Variants in GYS2 observed in about 807,000 individuals in gnomAD.
GYS2 encodes glycogen [starch] synthase, liver.
GYS2 carries 80 observed loss-of-function variants against 85.6 expected under a neutral mutation model. The ratio of observed to expected loss-of-function variants is 0.93; its 90% CI spans 0.78 to 1.13. GYS2 has a LOEUF of 1.13. Ranked by LOEUF, GYS2 falls within the 50% of genes most tolerant of loss-of-function variation. The probability of loss-of-function intolerance (pLI) is 0.00; values close to 1 mark genes in which losing one functional copy is unlikely to be tolerated. For synonymous variants in GYS2, 328 were observed against 300.7 expected, an observed-to-expected ratio of 1.09 and a Z score of -0.94; for missense variants, 881 against 854.9, an observed-to-expected ratio of 1.03 and a Z score of -0.38.
chr12:21,546,535 A>G, intron 11 of GYS2, 65 bp from the exon 12 acceptor site: 3 of 1,114,232 alleles, frequency 2.7e-6, no homozygotes, highest in Non-Finnish European at 3.9e-6. Flanking sequence ...AAAATCTCCT[A>G]CAATTTGGTT....
intron 5 of GYS2, among the ~76,000 whole-genome samples, chr12:21,563,561 T>C (rs1944281663): frequency 6.6e-6 from 1 of 152,114 alleles, no homozygotes; most frequent in Admixed American, 6.5e-5. Flanking sequence ...AAATCAGAAA[T>C]GCCTGACCAA....
chr12:21,542,666 G>A, intron 12 of GYS2, 75 bp from the exon 13 acceptor site: 1 of 894,798 alleles, frequency 1.1e-6, no homozygotes, highest in East Asian at 2.5e-5. Context: ...AGGAGGAAAA[G>A]GCCCTAGTCC....
At chr12:21,551,992 G>T (rs887292105) in intron 11 of GYS2, among the ~76,000 whole-genome samples, 2 of 152,126 alleles carry the variant, frequency 1.3e-5, no homozygotes, top group African/African-American at 4.8e-5. Flanking sequence ...CAGAATGACA[G>T]CATAACTAAA....
At chr12:21,596,053 G>A (rs1944692593) in intron 1 of GYS2, among the ~76,000 whole-genome samples, 1 of 152,054 alleles carries the variant, frequency 6.6e-6, no homozygotes, top group Non-Finnish European at 1.5e-5. Flanking sequence ...GCCATGAAAT[G>A]AGCCTCAATA....
chr12:21,539,239 A>T lies in GYS2; in HGVS notation c.1890+19T>A. 7.1e-7 allele frequency: 1 copy of T among 1,407,414 alleles called. No individual in the cohort carries two copies. The highest frequency in any genetic ancestry group is 1.0e-6 in the Non-Finnish European group (1 of 993,708). 87.2% of individuals were successfully genotyped at this position (1,407,414 alleles called of 1,614,324 possible). A position where few individuals can be genotyped will look rare whatever the true frequency, so the allele number is the denominator to read the frequency against. ...AAAAAGAAATATAGCTTTCAAAAAA[A>T]AATACATTGAATATTTACCGTTGGT... On this transcript the variant is annotated intron_variant, in intron 15 of 15. Coordinates refer to ENST00000261195, the MANE Select transcript of GYS2 (RefSeq NM_021957.4).
At chr12:21,554,131 G>T (rs1011070380) in intron 11 of GYS2, among the ~76,000 whole-genome samples, 1 of 151,598 alleles carries the variant, frequency 6.6e-6, no homozygotes, top group Non-Finnish European at 1.5e-5. Context: ...ATGGAAGGAA[G>T]GAAGGAAGCG....
chr12:21,539,246 T>C lies in GYS2; in HGVS notation c.1890+12A>G, dbSNP rs192853475. The C allele has an allele frequency of 6.4e-5, 93 of 1,447,566 alleles. 1 individual carries two copies. In the Admixed American group the frequency reaches 9.1e-4, roughly 14 times the overall value. The allele number at this position is 1,447,566 out of a possible 1,614,324, so 89.7% of individuals were successfully genotyped here. A position where few individuals can be genotyped will look rare whatever the true frequency, so the allele number is the denominator to read the frequency against. ...AATATAGCTTTCAAAAAAAAATACA[T>C]TGAATATTTACCGTTGGTGGTGATG... On this transcript the variant is annotated intron_variant, in intron 15 of 15. Coordinates refer to ENST00000261195, the MANE Select transcript of GYS2 (RefSeq NM_021957.4).
At chr12:21,596,424 G>A (rs549525026) in intron 1 of GYS2, among the ~76,000 whole-genome samples, 1 of 151,712 alleles carries the variant, frequency 6.6e-6, no homozygotes. Context: ...TTCCATGCCA[G>A]GGATGCAGGG....
rs543336209 is a variant in GYS2 at position 21,580,645 on chromosome 12, A to G, written c.122-122T>C. On this transcript the variant is annotated intron_variant, in intron 1 of 15. Transcript: ENST00000261195. ...TAGGATCCACTAAGCCCAAGGATTT[A>G]TTTACCTTTCAAAAATAATAGTATT... 1.1e-4 allele frequency: 83 copies of G among 771,892 alleles called. No homozygotes were observed. In the Middle Eastern group the frequency reaches 3.8e-3, roughly 36 times the overall value. The allele number at this position is 771,892 out of a possible 1,614,324, so 47.8% of individuals were successfully genotyped here. A position where few individuals can be genotyped will look rare whatever the true frequency, so the allele number is the denominator to read the frequency against.
In GYS2 at chr12:21,562,976, G is replaced by A. The variant is rs759499770; in HGVS notation, c.1004C>T (p.Ser335Leu). Reference protein sequence around the residue: ...FLFIAGRYEFSNKGADIFLES... With the variant: ...FLFIAGRYEFLNKGADIFLES... ...TAGGAAGATGTCAGCTCCTTTGTTT[G>A]AAAACTCATACCTCCCAGCAATGAA... Residue 335 changes from serine (S) to leucine (L), a missense_variant, in exon 7 of 16, where the codon TCA (serine) becomes TTA (leucine). Physicochemically the swap from Ser to Leu is moderately radical, Grantham distance 145. Coordinates refer to ENST00000261195, the MANE Select transcript of GYS2 (RefSeq NM_021957.4). 7 of 1,612,828 alleles carry A rather than the reference G, an allele frequency of 4.3e-6. No homozygotes were observed. The highest frequency in any genetic ancestry group is 5.1e-6 in the Non-Finnish European group (6 of 1,179,092).
At chr12:21,544,276 C>G (rs1425946386) in intron 12 of GYS2, among the ~76,000 whole-genome samples, 1 of 152,204 alleles carries the variant, frequency 6.6e-6, no homozygotes, top group Non-Finnish European at 1.5e-5. Flanking sequence ...GACTCATTCA[C>G]TATGGACTAT....
chr12:21,554,010 G>A (rs972495126), intron 11 of GYS2, among the ~76,000 whole-genome samples: 2 of 152,132 alleles, frequency 1.3e-5, no homozygotes, highest in African/African-American at 4.8e-5. Flanking sequence ...TCCCCTGTGT[G>A]AGGCACAAGT....
At chr12:21,548,447 C>T (rs1944067731) in intron 11 of GYS2, among the ~76,000 whole-genome samples, 1 of 152,094 alleles carries the variant, frequency 6.6e-6, no homozygotes, top group Non-Finnish European at 1.5e-5. Flanking sequence ...AGAGTCTCAA[C>T]TGCATAGGTC....
intron 14 of GYS2, 49 bp downstream of exon 14, chr12:21,540,361 C>A: frequency 7.0e-7 from 1 of 1,433,834 alleles, no homozygotes; most frequent in Non-Finnish European, 9.8e-7. Context: ...TGTTTATAGT[C>A]CAGTGGAATT....
intron 11 of GYS2, among the ~76,000 whole-genome samples, chr12:21,557,046 G>T (rs1000400151): frequency 6.6e-6 from 1 of 152,124 alleles, no homozygotes; most frequent in Non-Finnish European, 1.5e-5. Flanking sequence ...GAACCTGAAG[G>T]AAAAAATGTA....
intron 7 of GYS2, among the ~76,000 whole-genome samples, chr12:21,560,883 A>C (rs1188462651): frequency 6.6e-6 from 1 of 152,182 alleles, no homozygotes; most frequent in Non-Finnish European, 1.5e-5. Flanking sequence ...CAAGACCAAA[A>C]TTAGTTCTTT....
At chr12:21,558,768 T>C (rs751811329) in intron 10 of GYS2, among the ~76,000 whole-genome samples, 4 of 152,232 alleles carry the variant, frequency 2.6e-5, no homozygotes, top group Non-Finnish European at 4.4e-5. Flanking sequence ...TTTTCTCTAA[T>C]GTGACTCAAA....
intron 4 of GYS2, among the ~76,000 whole-genome samples, chr12:21,571,419 T>C (rs1944383462): frequency 6.6e-6 from 1 of 152,198 alleles, no homozygotes; most frequent in South Asian, 2.1e-4. Context: ...TTTTAATATA[T>C]CTCATAGTTT....
chr12:21,598,725 T>G (rs912667945), intron 1 of GYS2, among the ~76,000 whole-genome samples: 3 of 152,176 alleles, frequency 2.0e-5, no homozygotes, highest in Admixed American at 6.6e-5. Flanking sequence ...ATGGTTTTAT[T>G]CTGACATTAA....
Sources: gnomAD v4.1 joint callset for allele counts (sites outside exome capture counted in the v4.1 genomes callset) on GRCh38, gnomAD v4.1.1 for gene constraint, MANE v1.5 for transcripts, NCBI Gene and HGNC (gene_info 2026-07-23, HGNC 2026-07-21) for gene names.